Variants in PLAUR observed in about 807,000 individuals in gnomAD.
The protein encoded by PLAUR is urokinase plasminogen activator surface receptor.
A neutral mutation model predicts 33.4 loss-of-function variants in PLAUR; 22 were observed. That is an observed-to-expected ratio of 0.66 (90% CI 0.47 to 0.94). The LOEUF (loss-of-function observed/expected upper bound fraction) is 0.94. Among genes scored for constraint, PLAUR ranks in the 40% least tolerant of loss-of-function variants. PLAUR has a pLI of 0.00. For missense variants in PLAUR, 408 were observed against 434.7 expected (o/e 0.94, Z 0.55); for synonymous variants, 148 against 167.3 (o/e 0.88, Z 0.89).
Position 43,652,225 on chromosome 19 carries a change from C to A in PLAUR, c.754G>T (p.Glu252Ter). 1.2e-6 allele frequency: 2 copies of A among 1,614,010 alleles called. No homozygotes were observed. The highest frequency in any genetic ancestry group is 1.3e-5 in the African/African-American group (1 of 75,046). Residue 252 changes from glutamate (E) to a stop codon, truncating the protein, a stop_gained and splice_region_variant, in exon 6 of 7, where the codon GAA (glutamate) becomes TAA (stop). Coordinates refer to ENST00000340093, the MANE Select transcript of PLAUR (RefSeq NM_002659.4). LOFTEE classifies it low-confidence loss of function (END_TRUNC). ...CTCCCAGCCTCGGAGAGGGCCTCAC[C>A]GTGAGTGCCGGTGGCTACCAGACAT... ...NQCLVATGTH[E>*]PKNQSYMVRG...
chr19:43,656,953 T>C (rs920762463), intron 3 of PLAUR, among the ~76,000 whole-genome samples: 15 of 150,000 alleles, frequency 1.0e-4, no homozygotes, highest in Non-Finnish European at 8.9e-5. Flanking sequence ...TTTTTTTTTT[T>C]TTTTTCCCGA....
chr19:43,646,096 C>G (rs995545148), downstream of PLAUR: 2 of 175,480 alleles, frequency 1.1e-5, no homozygotes, highest in African/African-American at 4.8e-5. Context: ...CCCACCACAT[C>G]CAGCCAATTT....
chr19:43,646,333 T>G (rs1037769919), downstream of PLAUR: 5 of 620,432 alleles, frequency 8.1e-6, no homozygotes, highest in Admixed American at 1.5e-4. Context: ...TATAGCCAAG[T>G]TTCCTGTTTC....
chr19:43,654,916 G>C (rs1280040186), intron 5 of PLAUR, among the ~76,000 whole-genome samples: 1 of 152,080 alleles, frequency 6.6e-6, no homozygotes, highest in Non-Finnish European at 1.5e-5. Flanking sequence ...AGAGACAAAA[G>C]AGACAGGAAG....
intron 5 of PLAUR, among the ~76,000 whole-genome samples, chr19:43,653,366 T>C (rs1974074925): frequency 6.6e-6 from 1 of 152,174 alleles, no homozygotes. Context: ...AAAGCATCCC[T>C]GAAGATGATA....
chr19:43,663,531 C>T (rs1331032394), intron 3 of PLAUR, among the ~76,000 whole-genome samples: 2 of 152,030 alleles, frequency 1.3e-5, no homozygotes, highest in Non-Finnish European at 2.9e-5. Flanking sequence ...TCTGTAATCC[C>T]AGCACTTTGG....
At chr19:43,658,648 C>T (rs1974307894) in intron 3 of PLAUR, among the ~76,000 whole-genome samples, 1 of 152,148 alleles carries the variant, frequency 6.6e-6, no homozygotes, top group Non-Finnish European at 1.5e-5. Flanking sequence ...CACACCATTT[C>T]CCATGCTTGG....
rs143246480 is a variant in PLAUR at position 43,661,923 on chromosome 19, G to A, written c.310+3393C>T. Reference sequence around the variant, plus strand: ...GGGTTTTGCTCTGCCGCCTAGGCTGGAGTGCAGTGGCGTGATCACTGCAGC... The same window carrying A: ...GGGTTTTGCTCTGCCGCCTAGGCTGAAGTGCAGTGGCGTGATCACTGCAGC... On this transcript the variant is annotated intron_variant, in intron 3 of 6. Coordinates refer to ENST00000340093, the MANE Select transcript of PLAUR (RefSeq NM_002659.4). Among the ~76,000 whole-genome samples, 1,159 of 152,162 alleles carry A rather than the reference G, an allele frequency of 7.6e-3. 4 individuals carry two copies. The highest frequency in any genetic ancestry group is 0.019 in the South Asian group (92 of 4,816).
Position 43,648,870 on chromosome 19 carries a change from CAG to C in PLAUR, c.*18_*19del. 2 of 1,604,792 alleles carry C rather than the reference CAG, an allele frequency of 1.2e-6. No individual in the cohort carries two copies. Among genetic ancestry groups the C allele is most frequent in the South Asian group, 1.1e-5 (1 of 90,666 alleles). On this transcript the variant is annotated 3_prime_UTR_variant, in exon 7 of 7. Coordinates refer to ENST00000340093, the MANE Select transcript of PLAUR (RefSeq NM_002659.4). The stretch of plus-strand genomic sequence containing the variant: ...AGGGGTCCCCCGGATCCAGCCAGGG[CAG>C]AGAGGGGGATTTCAGGTTTAGGTCC...
At chr19:43,655,346 G>C in intron 5 of PLAUR, 93 bp downstream of exon 5, 1 of 1,239,492 alleles carries the variant, frequency 8.1e-7, no homozygotes, top group South Asian at 1.4e-5. Flanking sequence ...GGCCCAGAGA[G>C]GACTTGATTG....
downstream of PLAUR, among the ~76,000 whole-genome samples, chr19:43,646,872 C>T (rs1448518382): frequency 1.3e-5 from 2 of 149,684 alleles, no homozygotes; most frequent in East Asian, 3.9e-4. Context: ...CCTCCTCCTC[C>T]TGGGTTCAAG....
At chr19:43,668,314 T>C (rs1347793935) in intron 1 of PLAUR, 2 of 986,404 alleles carry the variant, frequency 2.0e-6, no homozygotes, top group Admixed American at 6.1e-5. Flanking sequence ...GCCCTCCAGC[T>C]CTCCAACTAG....
In PLAUR at chr19:43,651,937, C is replaced by A. The variant is rs1331146357; in HGVS notation, c.754+288G>T. 1.3e-5 allele frequency: 15 copies of A among 1,133,494 alleles called. No homozygotes were observed. The African/African-American group carries it at 1.8e-4, about 13-fold the overall frequency. 70.2% of individuals were successfully genotyped at this position (1,133,494 alleles called of 1,614,324 possible). On this transcript the variant is annotated intron_variant, in intron 6 of 6. Transcript: ENST00000340093. Reference sequence around the variant, plus strand: ...CTTGCTATGTTGCCCAGGCTGGTCTCAAACTCCTGGCCTCAAGAGATCCTC... The same window carrying A: ...CTTGCTATGTTGCCCAGGCTGGTCTAAAACTCCTGGCCTCAAGAGATCCTC...
intron 3 of PLAUR, 90 bp from the exon 4 acceptor site, chr19:43,656,730 CT>C: frequency 9.4e-7 from 1 of 1,062,696 alleles, no homozygotes; most frequent in Non-Finnish European, 1.4e-6. Flanking sequence ...TCAATTCCTC[CT>C]TATCCCACCC....
chr19:43,655,441 G>C lies in PLAUR; in HGVS notation c.605C>G (p.Pro202Arg). 1 of 1,614,054 alleles carries C rather than the reference G, an allele frequency of 6.2e-7. No individual in the cohort carries two copies. Among genetic ancestry groups the C allele is most frequent in the Non-Finnish European group, 8.5e-7 (1 of 1,179,958 alleles). Residue 202 changes from proline (P) to arginine (R), a missense_variant and splice_region_variant, in exon 5 of 7, where the codon CCA becomes CGA. Pro to Arg is a moderately radical substitution (Grantham distance 103). Coordinates refer to ENST00000340093, the MANE Select transcript of PLAUR (RefSeq NM_002659.4). Reference sequence around the variant, plus strand: ...TGCCTGTGTCTCCCGTTCCTTACTTGGGCCCTCGTTGCATTTGGTGGTGTT... The same window carrying C: ...TGCCTGTGTCTCCCGTTCCTTACTTCGGCCCTCGTTGCATTTGGTGGTGTT... ...CCNTTKCNEG[P>R]ILELENLPQN...
At chr19:43,650,629 A>G (rs1973957701) in intron 6 of PLAUR, among the ~76,000 whole-genome samples, 1 of 152,122 alleles carries the variant, frequency 6.6e-6, no homozygotes, top group Non-Finnish European at 1.5e-5. Context: ...CCTGGCTATC[A>G]TTACATTTTT....
chr19:43,669,875 T>C lies in PLAUR; in HGVS notation c.55+191A>G, dbSNP rs550471911. On this transcript the variant is annotated intron_variant, in intron 1 of 6. Coordinates refer to ENST00000340093, the MANE Select transcript of PLAUR (RefSeq NM_002659.4). ...GTAAAGCTAAATGCCTTTGCTCCAC[T>C]AATATTTCCTTAGCTACTGAGTGCC... Among the ~76,000 whole-genome samples the C allele has an allele frequency of 6.2e-5, 9 of 145,310 alleles. No homozygotes were observed. In the South Asian group the frequency reaches 2.1e-3, roughly 34 times the overall value.
At chr19:43,669,310 G>A (rs1474034785) in intron 1 of PLAUR, among the ~76,000 whole-genome samples, 5 of 152,164 alleles carry the variant, frequency 3.3e-5, no homozygotes, top group Non-Finnish European at 7.3e-5. Flanking sequence ...CTGTCCCCCC[G>A]TTTCTCAGAG....
At chr19:43,654,499 T>C (rs1004812137) in intron 5 of PLAUR, among the ~76,000 whole-genome samples, 76 of 151,654 alleles carry the variant, frequency 5.0e-4, no homozygotes, top group African/African-American at 1.7e-3. Context: ...ATGCCTGTAA[T>C]CCTAACACTT....
Sources: allele counts gnomAD v4.1 joint callset (sites outside exome capture counted in the v4.1 genomes callset), GRCh38; gene constraint gnomAD v4.1.1; transcripts MANE v1.5; gene names NCBI Gene and HGNC (gene_info 2026-07-23, HGNC 2026-07-21).